Variants in PRKCH observed in about 807,000 individuals in gnomAD.
The protein encoded by PRKCH is protein kinase C eta.
A neutral mutation model predicts 82.5 loss-of-function variants in PRKCH; 28 were observed. That is an observed-to-expected ratio of 0.34 (90% CI 0.25 to 0.47). The LOEUF is 0.47. Ranked by LOEUF, PRKCH falls within the 20% of genes least tolerant of loss-of-function variation. The probability of loss-of-function intolerance (pLI) is 1.00; values close to 1 mark genes in which losing one functional copy is unlikely to be tolerated. For missense variants in PRKCH, 705 were observed against 881.8 expected, an observed-to-expected ratio of 0.80 and a Z score of 2.54; for synonymous variants, 322 against 327.4, an observed-to-expected ratio of 0.98 and a Z score of 0.18.
chr14:61,499,157 C>G (rs541731509), intron 10 of PRKCH, among the ~76,000 whole-genome samples: 55 of 152,154 alleles, frequency 3.6e-4, no homozygotes, highest in Non-Finnish European at 4.7e-4. Context: ...TTAAGCCTGG[C>G]AGGAAAAAAA....
chr14:61,428,570 T>C (rs1883242896), intron 2 of PRKCH, among the ~76,000 whole-genome samples: 1 of 152,242 alleles, frequency 6.6e-6, no homozygotes, highest in African/African-American at 2.4e-5. Context: ...AACCAGTCTC[T>C]ACCAGATGCT....
chr14:61,207,306 C>T (rs1315258038), intron 1 of PRKCH, among the ~76,000 whole-genome samples: 1 of 151,996 alleles, frequency 6.6e-6, no homozygotes, highest in African/African-American at 2.4e-5. Context: ...CTGTCCCTGT[C>T]CAAGATGGAG....
intron 1 of PRKCH, among the ~76,000 whole-genome samples, chr14:61,349,830 C>T (rs1210755769): frequency 6.6e-6 from 1 of 152,054 alleles, no homozygotes; most frequent in Non-Finnish European, 1.5e-5. Context: ...CACTGCCCTC[C>T]AGCCTGGGCA....
intron 2 of PRKCH, among the ~76,000 whole-genome samples, chr14:61,442,310 G>A (rs138073017): frequency 1.5e-3 from 226 of 152,242 alleles, no homozygotes; most frequent in African/African-American, 5.3e-3. Flanking sequence ...CCTATTCCAG[G>A]TTAATTTCTA....
chr14:61,422,249 A>C (rs918383433), intron 2 of PRKCH, among the ~76,000 whole-genome samples: 2 of 151,950 alleles, frequency 1.3e-5, no homozygotes, highest in Non-Finnish European at 2.9e-5. Flanking sequence ...ATGCCCAGCT[A>C]AATATTTTGT....
chr14:61,282,531 A>G (rs1310915976), intron 1 of PRKCH, among the ~76,000 whole-genome samples: 2 of 152,222 alleles, frequency 1.3e-5, no homozygotes, highest in Admixed American at 6.5e-5. Context: ...TGTTGTTAGC[A>G]TCTTCCAAGT....
At chr14:61,485,123 C>T (rs1349788533) in intron 9 of PRKCH, among the ~76,000 whole-genome samples, 1 of 152,132 alleles carries the variant, frequency 6.6e-6, no homozygotes. Context: ...GTGTCCTTTA[C>T]TTTGGGTAAT....
rs1054777236 is a variant in PRKCH, at chr14:61,327,216, C to T, written c.363+4752C>T. The stretch of plus-strand genomic sequence containing the variant: ...TTGTAATCAGTCCTGTCAGGTGAAG[C>T]AGCCATGTTACTACTGGACAATCAT... On this transcript the variant is annotated intron_variant, in intron 1 of 13. Transcript: ENST00000332981. 2.1e-5 allele frequency: 9 copies of T among 433,034 alleles called. 1 individual carries two copies. The highest frequency in any genetic ancestry group is 1.5e-4 in the South Asian group (9 of 61,640). 26.8% of individuals were successfully genotyped at this position (433,034 alleles called of 1,614,324 possible).
chr14:61,339,727 G>T (rs1409948993), intron 1 of PRKCH, among the ~76,000 whole-genome samples: 1 of 144,416 alleles, frequency 6.9e-6, no homozygotes, highest in African/African-American at 2.6e-5. Flanking sequence ...TGTCATCCAG[G>T]CCAGAGTGCA....
chr14:61,428,112 CATAT>C (rs112740584), intron 2 of PRKCH, among the ~76,000 whole-genome samples: 84,456 of 145,498 alleles, frequency 0.58, 25,771 homozygotes, highest in Non-Finnish European at 0.69. Context: ...TATATACACA[CATAT>C]ATATATATAT....
intron 1 of PRKCH, among the ~76,000 whole-genome samples, chr14:61,274,780 G>A (rs763382738): frequency 1.6e-4 from 24 of 152,158 alleles, no homozygotes; most frequent in Non-Finnish European, 2.5e-4. Flanking sequence ...GCATTTAGAC[G>A]TGTTCAAGAG....
intron 1 of PRKCH, among the ~76,000 whole-genome samples, chr14:61,255,197 C>T (rs1249217030): frequency 1.3e-5 from 2 of 152,226 alleles, no homozygotes; most frequent in Non-Finnish European, 2.9e-5. Flanking sequence ...GAGTTTCTTT[C>T]TCTTCATTAG....
intron 1 of PRKCH, among the ~76,000 whole-genome samples, chr14:61,193,224 T>G (rs2044418978): frequency 6.6e-6 from 1 of 152,174 alleles, no homozygotes; most frequent in Non-Finnish European, 1.5e-5. Context: ...GGAAGATAAA[T>G]GGAAAAAACA....
intron 2 of PRKCH, among the ~76,000 whole-genome samples, chr14:61,401,217 G>A (rs753321319): frequency 5.9e-5 from 9 of 152,176 alleles, no homozygotes; most frequent in Non-Finnish European, 1.2e-4. Flanking sequence ...CTCAGGTTTT[G>A]TTGTCAGTAG....
chr14:61,322,055 C>A lies in PRKCH; in HGVS notation c.-47C>A. ...CCTGAGACGGGACTCCCGGTTCTCC[C>A]GCTGCGAAGCAGCGCGGCCCCCCGG... On this transcript the variant is annotated 5_prime_UTR_variant, in exon 1 of 14. Transcript: ENST00000332981. 19 of 1,490,190 alleles carry A rather than the reference C, an allele frequency of 1.3e-5. No individual in the cohort carries two copies. The highest frequency in any genetic ancestry group is 1.6e-5 in the Non-Finnish European group (18 of 1,115,504). 92.3% of individuals were successfully genotyped at this position (1,490,190 alleles called of 1,614,324 possible). A position where few individuals can be genotyped will look rare whatever the true frequency, so the allele number is the denominator to read the frequency against.
At chr14:61,526,617 T>C (rs1304998718) in intron 10 of PRKCH, among the ~76,000 whole-genome samples, 1 of 152,234 alleles carries the variant, frequency 6.6e-6, no homozygotes, top group African/African-American at 2.4e-5. Context: ...AGCAACGTGA[T>C]CCAGGCTGGA....
At chr14:61,505,631 T>A (rs1887116705) in intron 10 of PRKCH, among the ~76,000 whole-genome samples, 1 of 151,980 alleles carries the variant, frequency 6.6e-6, no homozygotes, top group Non-Finnish European at 1.5e-5. Flanking sequence ...CGCCTTGGCC[T>A]GCCAAAGTGC....
At chr14:61,475,849 C>T (rs1484422592) in intron 9 of PRKCH, among the ~76,000 whole-genome samples, 1 of 151,976 alleles carries the variant, frequency 6.6e-6, no homozygotes, top group Admixed American at 6.6e-5. Context: ...TCTTATTTGC[C>T]CTGAAATCTC....
intron 2 of PRKCH, among the ~76,000 whole-genome samples, chr14:61,408,330 C>T (rs1167066733): frequency 6.6e-6 from 1 of 152,120 alleles, no homozygotes; most frequent in Non-Finnish European, 1.5e-5. Context: ...GAAGATTAGC[C>T]TGCTTTCAGG....
Sources: allele counts gnomAD v4.1 joint callset (sites outside exome capture counted in the v4.1 genomes callset), GRCh38; gene constraint gnomAD v4.1.1; transcripts MANE v1.5; gene names NCBI Gene and HGNC (gene_info 2026-07-23, HGNC 2026-07-21).